Variants in DNAAF8 observed in about 807,000 individuals in gnomAD.
DNAAF8 encodes dynein axonemal-associated protein 1.
DNAAF8 carries 61 observed loss-of-function variants against 54.6 expected under a neutral mutation model. The observed-to-expected ratio is 1.12, with a 90% confidence interval of 0.91 to 1.38. The LOEUF (loss-of-function observed/expected upper bound fraction) is 1.38. DNAAF8 is among the 40% of genes most tolerant of loss of function. DNAAF8 has a pLI of 0.00. For synonymous variants in DNAAF8, 320 were observed against 270.1 expected (o/e 1.18, Z -1.81); for missense variants, 837 against 665.0 (o/e 1.26, Z -2.85).
intron 3 of DNAAF8, among the ~76,000 whole-genome samples, chr16:4,739,461 G>A (rs1289509685): frequency 2.6e-5 from 4 of 151,194 alleles, no homozygotes; most frequent in Non-Finnish European, 4.4e-5. Context: ...CTGTAACAGT[G>A]CATTCCACTC....
In DNAAF8 at chr16:4,736,634, C is replaced by T. The variant is rs751779653; in HGVS notation, c.120C>T (p.Asp40=). ...ACCAGCTCCCGTCTCTGGACTCAGA[C>T]TCCCCTTTGGTAAGCAAGAACTCTC... ...VKDQLPSLDS[D]SPLSDYGEEE... Residue 40 remains aspartate, a synonymous_variant, in exon 2 of 10, where the codon GAC becomes GAT. Coordinates refer to ENST00000299320, the MANE Select transcript of DNAAF8 (RefSeq NM_139170.3). 11 of 1,571,452 alleles carry T rather than the reference C, an allele frequency of 7.0e-6. No individual in the cohort carries two copies. The South Asian group carries it at 1.0e-4, about 15-fold the overall frequency.
chr16:4,741,296 G>A (rs1341465333), intron 4 of DNAAF8, among the ~76,000 whole-genome samples: 1 of 150,812 alleles, frequency 6.6e-6, no homozygotes, highest in Non-Finnish European at 1.5e-5. Context: ...AATTTAAAAA[G>A]AGAGAGAAAA....
intron 4 of DNAAF8, among the ~76,000 whole-genome samples, chr16:4,740,994 T>C (rs578044031): frequency 1.3e-5 from 2 of 150,450 alleles, no homozygotes; most frequent in East Asian, 3.9e-4. Flanking sequence ...GTCAACACAG[T>C]GAGACCCTCA....
chr16:4,743,076 C>T lies in DNAAF8; in HGVS notation c.817C>T (p.Gln273Ter), dbSNP rs1844646128. 22 of 1,612,404 alleles carry T rather than the reference C, an allele frequency of 1.4e-5. No homozygotes were observed. The highest frequency in any genetic ancestry group is 1.9e-5 in the Non-Finnish European group (22 of 1,179,130). ...AGCGTGGGATTTGGATGACATCCTTCAGAGTCTGGCGGGACAAGAAGACAA... is the reference window on the plus strand; with the variant it reads ...AGCGTGGGATTTGGATGACATCCTTTAGAGTCTGGCGGGACAAGAAGACAA... ...LEAWDLDDIL[Q>*]SLAGQEDNQG... The change falls in exon 5 of 10, where the codon CAG (glutamine) becomes TAG (stop). Residue 273 changes from glutamine (Q) to a stop codon, truncating the protein, a stop_gained. Coordinates refer to ENST00000299320, the MANE Select transcript of DNAAF8 (RefSeq NM_139170.3). LOFTEE classifies it high-confidence loss of function.
In DNAAF8 at chr16:4,740,549, A is replaced by G; in HGVS notation, c.673A>G (p.Ser225Gly). ...VTRDACGPTS[S>G]DKGGVKEAPC... ...CCGGGATGCCTGCGGCCCGACCAGC[A>G]GTGACAAAGGTGGGGTGAAGGAGGC... Residue 225 changes from serine to glycine, a missense_variant, in exon 4 of 10, where the codon AGT (serine) becomes GGT (glycine). Transcript: ENST00000299320. The G allele has an allele frequency of 6.2e-7, 1 of 1,614,010 alleles. No homozygotes were observed. Among genetic ancestry groups the G allele is most frequent in the Non-Finnish European group, 8.5e-7 (1 of 1,180,014 alleles).
Position 4,740,463 on chromosome 16 carries a change from GC to G in DNAAF8, c.589del (p.Arg197GlyfsTer10). ...LSTASQESVNRRALRQERRKM... is the reference protein window; with the variant it reads ...LSTASQESVNXRALRQERRKM... The stretch of plus-strand genomic sequence containing the variant: ...ACTGCCTCACAAGAATCTGTGAACC[GC>G]CGGGCCCTCCGACAGGAGAGAAGGA... On this transcript the variant is annotated frameshift_variant, in exon 4 of 10. Transcript: ENST00000299320. LOFTEE classifies it high-confidence loss of function. The G allele has an allele frequency of 6.2e-7, 1 of 1,613,972 alleles. No individual in the cohort carries two copies. Among genetic ancestry groups the G allele is most frequent in the Non-Finnish European group, 8.5e-7 (1 of 1,179,926 alleles).
chr16:4,747,089 TC>T, intron 8 of DNAAF8, 64 bp downstream of exon 8: 1 of 1,437,046 alleles, frequency 7.0e-7, no homozygotes, highest in South Asian at 1.3e-5. Flanking sequence ...CAGCAAGCCC[TC>T]CACCTGGCAC....
rs1481282183 is a variant in DNAAF8, at chr16:4,747,021, C to A, written c.1276C>A (p.Leu426Ile). 4.6e-6 allele frequency: 7 copies of A among 1,530,172 alleles called. No homozygotes were observed. The highest frequency in any genetic ancestry group is 6.1e-6 in the Non-Finnish European group (7 of 1,143,404). The allele number at this position is 1,530,172 out of a possible 1,614,324, so 94.8% of individuals were successfully genotyped here. Residue 426 changes from leucine to isoleucine, a missense_variant, in exon 8 of 10, where the codon CTA (leucine) becomes ATA (isoleucine). Physicochemically the swap from Leu to Ile is conservative, Grantham distance 5. Transcript: ENST00000299320. ...GGGGGCATCTCCTTCCTCCCTGGGG[C>A]TACGGTAACCACCCAGGGGCCTCTC... ...AEGASPSSLG[L>I]RTCTGKSQLL... is the part of the protein sequence containing the mutation.
chr16:4,736,142 G>A lies in DNAAF8; in HGVS notation c.-51-322G>A, dbSNP rs540720809. On this transcript the variant is annotated intron_variant, in intron 1 of 9. Coordinates refer to ENST00000299320, the MANE Select transcript of DNAAF8 (RefSeq NM_139170.3). ...ATATACCTATATATCATTATATATCGTACATATGGCATTCTATATAACATG... is the reference window on the plus strand; with the variant it reads ...ATATACCTATATATCATTATATATCATACATATGGCATTCTATATAACATG... Among the ~76,000 whole-genome samples the A allele has an allele frequency of 5.9e-5, 9 of 151,916 alleles. No homozygotes were observed. The South Asian group carries it at 6.2e-4, about 11-fold the overall frequency.
In DNAAF8 at chr16:4,743,046, C is replaced by G; in HGVS notation, c.787C>G (p.Leu263Val). The G allele has an allele frequency of 6.2e-7, 1 of 1,606,618 alleles. No homozygotes were observed. The highest frequency in any genetic ancestry group is 1.1e-5 in the South Asian group (1 of 90,686). The part of the protein sequence containing the change: ...EGPPVLSLQQ[L>V]EAWDLDDILQ... Reference sequence around the variant, plus strand: ...TCACTGGTTTTAATGATTTCAGCAACTTGAAGCGTGGGATTTGGATGACAT... The same window carrying G: ...TCACTGGTTTTAATGATTTCAGCAAGTTGAAGCGTGGGATTTGGATGACAT... Residue 263 changes from leucine to valine, a missense_variant, in exon 5 of 10, where the codon CTT (leucine) becomes GTT (valine). Coordinates refer to ENST00000299320, the MANE Select transcript of DNAAF8 (RefSeq NM_139170.3).
chr16:4,746,793 G>A (rs979033673), intron 7 of DNAAF8, 134 bp from the exon 8 acceptor site: 39 of 866,450 alleles, frequency 4.5e-5, no homozygotes, highest in Middle Eastern at 2.7e-4. Context: ...CTGGCAGGAC[G>A]TCCACCGGCC....
intron 5 of DNAAF8, 151 bp from the exon 6 acceptor site, chr16:4,744,719 G>A: frequency 2.1e-6 from 2 of 967,936 alleles, no homozygotes; most frequent in Non-Finnish European, 3.0e-6. Context: ...AGTCCTCAGA[G>A]GGCTGAGTAG....
intron 1 of DNAAF8, 30 bp from the exon 2 acceptor site, chr16:4,736,434 C>T: frequency 7.3e-7 from 1 of 1,367,886 alleles, no homozygotes; most frequent in Non-Finnish European, 9.6e-7. Context: ...GTGGCCCGGA[C>T]CCTCTTCCAT....
rs1328625584 is a variant in DNAAF8, at chr16:4,749,214, G to A, written c.*499G>A. 1.3e-5 allele frequency: 2 copies of A among 154,474 alleles called. No individual in the cohort carries two copies. The highest frequency in any genetic ancestry group is 2.9e-5 in the Non-Finnish European group (2 of 68,270). The allele number at this position is 154,474 out of a possible 1,614,324, so 9.6% of individuals were successfully genotyped here. On this transcript the variant is annotated 3_prime_UTR_variant, in exon 10 of 10. Coordinates refer to ENST00000299320, the MANE Select transcript of DNAAF8 (RefSeq NM_139170.3). ...CCGGGGCCTGTGCCGCCAGAACCGG[G>A]CTCTGCCCCCATACGCTGCCCTCGC...
At chr16:4,748,122 A>G (rs1173086725) in intron 9 of DNAAF8, 2 of 154,192 alleles carry the variant, frequency 1.3e-5, no homozygotes, top group East Asian at 3.8e-4. Context: ...CACACGACAC[A>G]CACATGCCTA....
At position 4,737,801 on chromosome 16, in the gene DNAAF8, C is replaced by T. The variant is rs752801300; in HGVS notation, c.131C>T (p.Ser44Leu). The T allele has an allele frequency of 1.7e-5, 27 of 1,614,100 alleles. No individual in the cohort carries two copies. Among genetic ancestry groups the T allele is most frequent in the Non-Finnish European group, 1.9e-5 (23 of 1,179,972 alleles). The change falls in exon 3 of 10, where the codon TCG becomes TTG. Residue 44 changes from serine (S) to leucine (L), a missense_variant and splice_region_variant. Physicochemically the swap from Ser to Leu is moderately radical, Grantham distance 145. Transcript: ENST00000299320. ...AAAAGCCCTCTCATTTGTCCACAGT[C>T]GGACTATGGGGAAGAGGAGCTGTTC... ...LPSLDSDSPL[S>L]DYGEEELFIF...
intron 4 of DNAAF8, among the ~76,000 whole-genome samples, chr16:4,741,397 T>C (rs2081960082): frequency 6.6e-6 from 1 of 152,168 alleles, no homozygotes; most frequent in African/African-American, 2.4e-5. Context: ...TCTCAAAATA[T>C]GAAAGCCCTC....
At chr16:4,742,756 C>T (rs1187712973) in intron 4 of DNAAF8, among the ~76,000 whole-genome samples, 3 of 152,004 alleles carry the variant, frequency 2.0e-5, no homozygotes, top group Non-Finnish European at 4.4e-5. Context: ...TACAGGGTTT[C>T]CTTCGGGTCA....
intron 3 of DNAAF8, 108 bp from the exon 4 acceptor site, chr16:4,740,045 C>T (rs546475599): frequency 4.5e-6 from 6 of 1,319,916 alleles, no homozygotes; most frequent in Admixed American, 2.4e-5. Context: ...GGCAACAAAG[C>T]GAGACTTCAC....
Sources: gnomAD v4.1 joint callset for allele counts (sites outside exome capture counted in the v4.1 genomes callset) on GRCh38, gnomAD v4.1.1 for gene constraint, MANE v1.5 for transcripts, NCBI Gene and HGNC (gene_info 2026-07-23, HGNC 2026-07-21) for gene names.